ESR1: variants seen among roughly 807,000 people sequenced by gnomAD.
The protein encoded by ESR1 is estrogen receptor 1, also known as estrogen receptor.
Under a neutral mutation model 52.7 loss-of-function variants are expected in ESR1, and 12 were observed. The ratio of observed to expected loss-of-function variants is 0.23; its 90% CI spans 0.15 to 0.37. The LOEUF is 0.37. Among genes scored for constraint, ESR1 ranks in the 10% least tolerant of loss-of-function variants. The pLI is 1.00. For missense variants in ESR1, 584 were observed against 779.7 expected (o/e 0.75, Z 2.99); for synonymous variants, 305 against 316.8 (o/e 0.96, Z 0.39).
At chr6:152,034,984 C>T (rs2045155147) in intron 5 of ESR1, among the ~76,000 whole-genome samples, 2 of 152,118 alleles carry the variant, frequency 1.3e-5, no homozygotes, top group Non-Finnish European at 1.5e-5. Context: ...TAGAGGAAGC[C>T]ATGTTAGTTT....
intron 3 of ESR1, among the ~76,000 whole-genome samples, chr6:151,939,878 CA>C (rs1248015025): frequency 6.6e-6 from 1 of 151,918 alleles, no homozygotes; most frequent in Non-Finnish European, 1.5e-5. Context: ...AGCAAAAAAA[CA>C]AAATCTCTGT....
At chr6:151,947,541 A>G (rs1452412075) in intron 4 of ESR1, among the ~76,000 whole-genome samples, 5 of 152,240 alleles carry the variant, frequency 3.3e-5, no homozygotes, top group African/African-American at 1.2e-4. Context: ...TAGTAGCTCT[A>G]GAAGTGCTTC....
chr6:151,868,949 A>G (rs1470814407), intron 2 of ESR1, among the ~76,000 whole-genome samples: 2 of 152,142 alleles, frequency 1.3e-5, no homozygotes, highest in African/African-American at 4.8e-5. Flanking sequence ...AGCTTGAGAG[A>G]CATGCATATT....
In ESR1 at chr6:152,087,934, C is replaced by T. The variant is rs549015048; in HGVS notation, c.1370-6451C>T. ...GACAGCTGCATCTTGTAAAACTCCA[C>T]GGGAGATTCTGAGAGACAGCCAAGT... On this transcript the variant is annotated intron_variant, in intron 6 of 7. Coordinates refer to ENST00000206249, the MANE Select transcript of ESR1 (RefSeq NM_000125.4). Among the ~76,000 whole-genome samples the T allele has an allele frequency of 1.2e-4, 18 of 152,216 alleles. 1 individual carries two copies. The highest frequency in any genetic ancestry group is 3.6e-4 in the African/African-American group (15 of 41,540).
At position 151,661,459 on chromosome 6, in the gene ESR1, C is replaced by T. The variant is rs151050206; in HGVS notation, n.73+4696C>T. Among the ~76,000 whole-genome samples the T allele has an allele frequency of 4.6e-5, 7 of 152,344 alleles. No individual in the cohort carries two copies. The East Asian group carries it at 5.8e-4, about 13-fold the overall frequency. On this transcript the variant is annotated intron_variant and non_coding_transcript_variant, in intron 1 of 2. Transcript: ENST00000473497. ...GTCCTATGTCTTGTTTCCTAATGCA[C>T]GCACAGGTTCCACAAGCCCTCACTT...
intron 2 of ESR1, among the ~76,000 whole-genome samples, chr6:151,843,401 C>T (rs1784613931): frequency 1.3e-5 from 2 of 152,134 alleles, no homozygotes; most frequent in Admixed American, 1.3e-4. Context: ...CATTTTCCCG[C>T]CTGCCTCCAT....
intron 2 of ESR1, among the ~76,000 whole-genome samples, chr6:151,742,238 C>T (rs539323563): frequency 2.0e-5 from 3 of 152,178 alleles, no homozygotes; most frequent in South Asian, 2.1e-4. Flanking sequence ...GATATCTTTA[C>T]GAGGTGGTGA....
intron 6 of ESR1, among the ~76,000 whole-genome samples, chr6:152,062,686 G>C (rs1007692504): frequency 6.6e-6 from 1 of 152,142 alleles, no homozygotes; most frequent in Admixed American, 6.5e-5. Flanking sequence ...TGCCTTCTTC[G>C]GTGGAGGGCT....
At chr6:151,969,009 G>A (rs1240887313) in intron 4 of ESR1, among the ~76,000 whole-genome samples, 1 of 152,106 alleles carries the variant, frequency 6.6e-6, no homozygotes, top group Non-Finnish European at 1.5e-5. Context: ...AGCAAGCAGA[G>A]CTTCAGTTTT....
chr6:152,082,123 T>C (rs1444852322), intron 6 of ESR1, among the ~76,000 whole-genome samples: 1 of 152,158 alleles, frequency 6.6e-6, no homozygotes, highest in Non-Finnish European at 1.5e-5. Context: ...GAGGCCAGCA[T>C]CATCCTGGTA....
intron 1 of ESR1, among the ~76,000 whole-genome samples, chr6:151,690,933 A>T (rs1778889992): frequency 6.6e-6 from 1 of 152,184 alleles, no homozygotes; most frequent in South Asian, 2.1e-4. Context: ...TTTTCTTAGT[A>T]CAGCACACAC....
chr6:152,062,108 CTTGTA>C (rs1170268804), intron 6 of ESR1, among the ~76,000 whole-genome samples: 1 of 152,130 alleles, frequency 6.6e-6, no homozygotes, highest in Admixed American at 6.5e-5. Flanking sequence ...TGAATTGCAG[CTTGTA>C]TTGATCACAT....
chr6:151,822,253 G>A (rs753939852), intron 1 of ESR1, among the ~76,000 whole-genome samples: 1 of 152,162 alleles, frequency 6.6e-6, no homozygotes, highest in East Asian at 1.9e-4. Flanking sequence ...ACATGTAGAA[G>A]CAAAACAATT....
At chr6:151,862,886 T>C (rs1461237735) in intron 2 of ESR1, among the ~76,000 whole-genome samples, 1 of 152,014 alleles carries the variant, frequency 6.6e-6, no homozygotes. Context: ...GAAAAGAAGA[T>C]TGTAGATGCC....
intron 3 of ESR1, among the ~76,000 whole-genome samples, chr6:151,899,540 T>C (rs1584062817): frequency 3.0e-5 from 4 of 133,666 alleles, no homozygotes; most frequent in Non-Finnish European, 4.8e-5. Context: ...CCCCCCCACC[T>C]CCCTCCCGGA....
At chr6:152,088,384 GA>G (rs1457519104) in intron 6 of ESR1, among the ~76,000 whole-genome samples, 7 of 151,862 alleles carry the variant, frequency 4.6e-5, no homozygotes, top group East Asian at 1.9e-4. Context: ...TAAAAGGAGA[GA>G]AAAAAAATTG....
At chr6:151,866,827 C>T (rs1311788683) in intron 2 of ESR1, among the ~76,000 whole-genome samples, 1 of 152,128 alleles carries the variant, frequency 6.6e-6, no homozygotes, top group African/African-American at 2.4e-5. Context: ...ATTTATAATC[C>T]TTTGGGTATA....
In ESR1 at chr6:151,656,714, T is replaced by TGA. The variant is rs569805262; in HGVS notation, n.25_26dup. The TGA allele has an allele frequency of 2.8e-4, 43 of 152,336 alleles. No individual in the cohort carries two copies. The East Asian group carries it at 7.3e-3, about 26-fold the overall frequency. The allele number at this position is 152,336 out of a possible 1,614,324, so 9.4% of individuals were successfully genotyped here. Reference sequence around the variant, plus strand: ...CAGAGCCTCAAATATCTCCAAAATCTGATACCAATCCTTTTGATTGTGAAT... The same window carrying TGA: ...CAGAGCCTCAAATATCTCCAAAATCTGAGATACCAATCCTTTTGATTGTGAAT... On this transcript the variant is annotated non_coding_transcript_exon_variant, in exon 1 of 3. Coordinates refer to the ESR1 transcript ENST00000473497.
chr6:151,863,248 C>T (rs1789222403), intron 2 of ESR1, among the ~76,000 whole-genome samples: 1 of 152,136 alleles, frequency 6.6e-6, no homozygotes. Context: ...TGGCCATTTT[C>T]ACGATATTGA....
Sources: gnomAD v4.1 joint callset for allele counts (sites outside exome capture counted in the v4.1 genomes callset) on GRCh38, gnomAD v4.1.1 for gene constraint, MANE v1.5 for transcripts, NCBI Gene and HGNC (gene_info 2026-07-23, HGNC 2026-07-21) for gene names.